RTF2: variants seen among roughly 807,000 people sequenced by gnomAD.
The protein encoded by RTF2 is UPF0549 protein C20orf43.
Under a neutral mutation model 38.0 loss-of-function variants are expected in RTF2, and 18 were observed. That is an observed-to-expected ratio of 0.47 (90% CI 0.33 to 0.70). The LOEUF (loss-of-function observed/expected upper bound fraction) is 0.70, where lower values mean the gene tolerates loss of function less well. RTF2 is among the 30% of genes least tolerant of loss of function. The pLI is 0.02. For missense variants in RTF2, 311 were observed against 379.6 expected (o/e 0.82, Z 1.50); for synonymous variants, 126 against 137.1 (o/e 0.92, Z 0.57).
In RTF2 at chr20:56,484,703, C is replaced by T. The variant is rs370361429; in HGVS notation, c.477+514C>T. On this transcript the variant is annotated intron_variant, in intron 5 of 8. Transcript: ENST00000357348. Reference sequence around the variant, plus strand: ...ACGTAGCGTGCCCTCAGTAAATGCTCGCATGGGTGGCGAGTAACTAGACAT... The same window carrying T: ...ACGTAGCGTGCCCTCAGTAAATGCTTGCATGGGTGGCGAGTAACTAGACAT... 1.1e-4 allele frequency among the ~76,000 whole-genome samples: 16 copies of T among 152,334 alleles called. No individual in the cohort carries two copies. In the South Asian group the frequency reaches 1.7e-3, roughly 16 times the overall value.
chr20:56,515,522 A>C (rs996402083), intron 6 of RTF2, among the ~76,000 whole-genome samples: 9 of 151,908 alleles, frequency 5.9e-5, no homozygotes, highest in Non-Finnish European at 8.8e-5. Flanking sequence ...CAGTGAGCCA[A>C]GATCGTACCA....
intron 3 of RTF2, among the ~76,000 whole-genome samples, chr20:56,476,741 C>T (rs1030057259): frequency 4.6e-5 from 7 of 152,092 alleles, no homozygotes; most frequent in African/African-American, 9.7e-5. Flanking sequence ...TCAGGTGATC[C>T]GCCTGCCTCG....
intron 5 of RTF2, among the ~76,000 whole-genome samples, chr20:56,504,832 C>T (rs570008490): frequency 4.6e-5 from 7 of 152,340 alleles, no homozygotes; most frequent in South Asian, 2.1e-4. Context: ...GACGCCTAAG[C>T]GGGATGTGTG....
chr20:56,473,889 G>A (rs900951469), intron 2 of RTF2, among the ~76,000 whole-genome samples: 2 of 152,148 alleles, frequency 1.3e-5, no homozygotes, highest in South Asian at 4.1e-4. Flanking sequence ...AAACTCAGGG[G>A]CCAATAGAAG....
intron 5 of RTF2, among the ~76,000 whole-genome samples, chr20:56,511,993 C>G (rs1292220567): frequency 3.3e-5 from 5 of 152,170 alleles, no homozygotes; most frequent in Non-Finnish European, 7.4e-5. Flanking sequence ...CCACCACACC[C>G]AGCACCACCA....
intron 1 of RTF2, among the ~76,000 whole-genome samples, chr20:56,473,037 G>A (rs1224806150): frequency 1.3e-5 from 2 of 152,074 alleles, no homozygotes; most frequent in Admixed American, 6.5e-5. Context: ...AGGCTGAGGT[G>A]GAAGGTTTGC....
At chr20:56,495,241 G>T (rs191554409) in intron 5 of RTF2, 1 of 1,550,998 alleles carries the variant, frequency 6.4e-7, no homozygotes, top group Non-Finnish European at 8.7e-7. Flanking sequence ...TCACTTTTCC[G>T]CTTAATGGCT....
chr20:56,513,547 C>T, intron 6 of RTF2, 119 bp downstream of exon 6: 1 of 1,274,296 alleles, frequency 7.8e-7, no homozygotes, highest in Non-Finnish European at 1.1e-6. Flanking sequence ...TTTTTATAAC[C>T]TAGAAGGGCC....
chr20:56,491,655 G>C, intron 5 of RTF2: 1 of 1,552,030 alleles, frequency 6.4e-7, no homozygotes, highest in Non-Finnish European at 8.7e-7. Flanking sequence ...AGTCTGTGCC[G>C]CCGCTCTAAG....
chr20:56,511,356 G>A (rs1483116778), intron 5 of RTF2, among the ~76,000 whole-genome samples: 2 of 151,938 alleles, frequency 1.3e-5, no homozygotes, highest in Middle Eastern at 3.2e-3. Context: ...TCTAGGTTGC[G>A]TGCTGCTTAT....
chr20:56,487,189 C>T (rs896176773), intron 5 of RTF2, among the ~76,000 whole-genome samples: 19 of 152,270 alleles, frequency 1.2e-4, no homozygotes, highest in Middle Eastern at 3.4e-3. Context: ...CATGATGACA[C>T]GTATGCAGTA....
chr20:56,477,122 C>T lies in RTF2; in HGVS notation c.396C>T (p.His132=), dbSNP rs1393467497. Residue 132 remains histidine, a splice_region_variant and synonymous_variant, in exon 4 of 9, where the codon CAC becomes CAT. Transcript: ENST00000357348. ...TGGGCCTGGAGATGAACGGCCGACA[C>T]AGGTTAGTGACGGACCTGGGACAGA... ...PVVGLEMNGR[H]RFCFLRCCGC... is the part of the protein sequence containing the mutation. The T allele has an allele frequency of 6.2e-7, 1 of 1,613,616 alleles. No homozygotes were observed. Among genetic ancestry groups the T allele is most frequent in the Non-Finnish European group, 8.5e-7 (1 of 1,179,830 alleles).
At chr20:56,515,819 T>TG (rs1421683960) in intron 6 of RTF2, 8 of 152,254 alleles carry the variant, frequency 5.3e-5, no homozygotes, top group Non-Finnish European at 1.2e-4. Context: ...GGGACTAACA[T>TG]GCTCCTCTCT....
rs1330662210 is a variant in RTF2, at chr20:56,491,762, CAGA to C, written c.477+7574_477+7576del. On this transcript the variant is annotated intron_variant, in intron 5 of 8. Transcript: ENST00000357348. ...CGGCAGGTCTCCTGGTCCGTATACG[CAGA>C]TGTCTTCGACGTAGCGGCCTGCAGA... 1.9e-6 allele frequency: 3 copies of C among 1,551,692 alleles called. No homozygotes were observed. The African/African-American group carries it at 4.1e-5, about 21-fold the overall frequency.
rs749886927 is a variant in RTF2, at chr20:56,505,507, T to TAAG, written c.478-7806_478-7805insGAA. Among the ~76,000 whole-genome samples the TAAG allele has an allele frequency of 9.2e-3, 1,375 of 149,646 alleles. 10 individuals carry two copies. Among genetic ancestry groups the TAAG allele is most frequent in the Admixed American group, 0.019 (285 of 14,904 alleles). On this transcript the variant is annotated intron_variant, in intron 5 of 8. Coordinates refer to ENST00000357348, the MANE Select transcript of RTF2 (RefSeq NM_016407.5). ...CATCTCATAATAATAATAATAATAATAATAATAATATTTGCCCTGTGGGTG... is the reference window on the plus strand; with the variant it reads ...CATCTCATAATAATAATAATAATAATAAGAATAATAATATTTGCCCTGTGGGTG...
intron 8 of RTF2, 140 bp downstream of exon 8, chr20:56,517,341 C>A (rs1015392064): frequency 1.5e-6 from 1 of 669,026 alleles, no homozygotes; most frequent in Non-Finnish European, 2.6e-6. Flanking sequence ...ACTGAACTCT[C>A]TTTAGGGGGG....
chr20:56,503,757 G>A (rs1984078560), intron 5 of RTF2, among the ~76,000 whole-genome samples: 1 of 152,178 alleles, frequency 6.6e-6, no homozygotes. Flanking sequence ...GAGGTCAGGA[G>A]TTTGAGACCA....
intron 5 of RTF2, among the ~76,000 whole-genome samples, chr20:56,488,536 G>A (rs545154094): frequency 1.3e-5 from 2 of 152,182 alleles, no homozygotes; most frequent in African/African-American, 4.8e-5. Flanking sequence ...TTTCATGGAG[G>A]GGGTGGAGTA....
intron 5 of RTF2, among the ~76,000 whole-genome samples, chr20:56,485,616 G>A (rs1982754399): frequency 1.3e-5 from 2 of 152,188 alleles, no homozygotes; most frequent in Admixed American, 6.5e-5. Context: ...GGTGAGTTAT[G>A]TCCAGTTTGG....
Sources: allele counts gnomAD v4.1 joint callset (sites outside exome capture counted in the v4.1 genomes callset), GRCh38; gene constraint gnomAD v4.1.1; transcripts MANE v1.5; gene names NCBI Gene and HGNC (gene_info 2026-07-23, HGNC 2026-07-21).